The following CCSER2 variants were observed in gnomAD, a reference collection of about 807,000 sequenced individuals.
CCSER2 encodes coiled-coil serine rich protein 2, also known as serine-rich coiled-coil domain-containing protein 2.
In CCSER2, 46 loss-of-function variants were observed where a neutral mutation model predicts 92.3. That is an observed-to-expected ratio of 0.50 (90% CI 0.39 to 0.64). CCSER2 has a LOEUF of 0.64. Ranked by LOEUF, CCSER2 falls within the 30% of genes least tolerant of loss-of-function variation. The pLI, the probability that CCSER2 is intolerant of heterozygous loss-of-function variation, is 0.00. For synonymous variants in CCSER2, 433 were observed against 431.4 expected, an observed-to-expected ratio of 1.00 and a Z score of -0.04; for missense variants, 1,244 against 1,238.9, an observed-to-expected ratio of 1.00 and a Z score of -0.06.
At chr10:84,397,097 A>T (rs1841884669) in intron 3 of CCSER2, among the ~76,000 whole-genome samples, 1 of 152,222 alleles carries the variant, frequency 6.6e-6, no homozygotes, top group African/African-American at 2.4e-5. Context: ...AGTGCTAGTC[A>T]GTATTACTAT....
chr10:84,486,569 T>C (rs1466950658), intron 9 of CCSER2, among the ~76,000 whole-genome samples: 1 of 152,334 alleles, frequency 6.6e-6, no homozygotes, highest in East Asian at 1.9e-4. Flanking sequence ...TCATATCCTT[T>C]GCCCACTTGT....
At chr10:84,443,144 A>G (rs1844679031) in intron 6 of CCSER2, among the ~76,000 whole-genome samples, 1 of 152,238 alleles carries the variant, frequency 6.6e-6, no homozygotes, top group Non-Finnish European at 1.5e-5. Flanking sequence ...AAAATTGACA[A>G]ATGGGATCTA....
chr10:84,380,979 C>T (rs12779207), intron 3 of CCSER2, among the ~76,000 whole-genome samples: 31,898 of 151,934 alleles, frequency 0.21, 3,606 homozygotes, highest in Admixed American at 0.34. Context: ...AATCCCAGGG[C>T]GTGAGCCACC....
chr10:84,424,608 C>T (rs7099875), intron 4 of CCSER2, among the ~76,000 whole-genome samples: 5,165 of 151,142 alleles, frequency 0.034, 113 homozygotes, highest in South Asian at 0.07. Flanking sequence ...ATGAAACACT[C>T]GTCATGTTTC....
At position 84,463,979 on chromosome 10, in the gene CCSER2, C is replaced by G. The variant is rs1320175924; in HGVS notation, c.2111C>G (p.Ser704Cys). Residue 704 changes from serine to cysteine, a missense_variant, in exon 7 of 10, where the codon TCC becomes TGC. Transcript: ENST00000372088. Reference protein sequence around the residue: ...SLHDIQLSLPSSPEPEDGDKV... With the variant: ...SLHDIQLSLPCSPEPEDGDKV... ...CATGATATTCAACTGTCATTGCCAT[C>G]CAGTCCAGAACCAGAAGATGGTGAT... 11 of 1,611,176 alleles carry G rather than the reference C, an allele frequency of 6.8e-6. No homozygotes were observed. In the African/African-American group the frequency reaches 8.0e-5, roughly 12 times the overall value.
rs1198177296 is a variant in CCSER2 at position 84,479,969 on chromosome 10, G to C, written c.2325+2305G>C. Among the ~76,000 whole-genome samples the C allele has an allele frequency of 3.9e-5, 6 of 152,122 alleles. No homozygotes were observed. The East Asian group carries it at 1.2e-3, about 29-fold the overall frequency. On this transcript the variant is annotated intron_variant, in intron 9 of 9. Transcript: ENST00000372088. ...TTCCCTGAGAGGAAAAAAAACAGGT[G>C]CCCAGGTTTGCACTGCATGGTAGAA... is the stretch of plus-strand genomic sequence containing the variant.
Position 84,483,951 on chromosome 10 carries a change from A to ATT in CCSER2, c.2325+6289_2325+6290dup, listed in dbSNP as rs1242824205. On this transcript the variant is annotated intron_variant, in intron 9 of 9. Coordinates refer to ENST00000372088, the MANE Select transcript of CCSER2 (RefSeq NM_001284240.2). ...AGGTGCATCCCACCACACCCGGCTAATTTATATATATATATATATATATAT... is the reference window on the plus strand; with the variant it reads ...AGGTGCATCCCACCACACCCGGCTAATTTTTATATATATATATATATATATAT... Among the ~76,000 whole-genome samples the ATT allele has an allele frequency of 8.4e-3, 121 of 14,352 alleles. 6 individuals are homozygous for ATT. Among genetic ancestry groups the ATT allele is most frequent in the South Asian group, 0.046 (12 of 262 alleles). The allele number at this position is 14,352 out of a possible 152,430, so 9.4% of individuals were successfully genotyped here. A position where few individuals can be genotyped will look rare whatever the true frequency, so the allele number is the denominator to read the frequency against.
At chr10:84,360,869 A>G (rs893812616) in intron 1 of CCSER2, among the ~76,000 whole-genome samples, 1 of 152,202 alleles carries the variant, frequency 6.6e-6, no homozygotes. Context: ...ATTCTAACAC[A>G]TATTATCATA....
intron 9 of CCSER2, among the ~76,000 whole-genome samples, chr10:84,511,402 G>C (rs1033530284): frequency 6.6e-6 from 1 of 151,986 alleles, no homozygotes; most frequent in Non-Finnish European, 1.5e-5. Flanking sequence ...CTGGAGGTAG[G>C]TTGTCTTAAT....
chr10:84,334,853 A>G (rs1843744857), intron 1 of CCSER2, among the ~76,000 whole-genome samples: 1 of 151,918 alleles, frequency 6.6e-6, no homozygotes, highest in East Asian at 1.9e-4. Flanking sequence ...GGCCATCCTT[A>G]CCCTCTGTTC....
intron 8 of CCSER2, among the ~76,000 whole-genome samples, chr10:84,477,252 A>T (rs1428562523): frequency 6.6e-6 from 1 of 152,154 alleles, no homozygotes; most frequent in Admixed American, 6.5e-5. Flanking sequence ...TCAAAATTCT[A>T]ACCTTACAGG....
intron 7 of CCSER2, among the ~76,000 whole-genome samples, chr10:84,470,013 ATTTTTTT>A (rs67106487): frequency 3.1e-5 from 3 of 96,522 alleles, no homozygotes; most frequent in Admixed American, 1.0e-4. Flanking sequence ...TTTGTATGTG[ATTTTTTT>A]TTTTTTTTTT....
chr10:84,415,838 C>T (rs1478081568), intron 3 of CCSER2, among the ~76,000 whole-genome samples: 1 of 152,210 alleles, frequency 6.6e-6, no homozygotes, highest in Non-Finnish European at 1.5e-5. Flanking sequence ...CTCCTTGTTA[C>T]TGCTGGCTGG....
chr10:84,389,108 T>C (rs934799326), intron 3 of CCSER2: 2 of 220,858 alleles, frequency 9.1e-6, no homozygotes, highest in East Asian at 3.0e-4. Context: ...TAATAACTTT[T>C]TTTTTTTTTT....
intron 3 of CCSER2, among the ~76,000 whole-genome samples, chr10:84,385,145 GGAT>G (rs1161282548): frequency 6.6e-6 from 1 of 151,866 alleles, no homozygotes; most frequent in East Asian, 1.9e-4. Context: ...TCATTCTTAT[GGAT>G]TAGAAGAATA....
At chr10:84,480,701 T>C (rs1325934439) in intron 9 of CCSER2, among the ~76,000 whole-genome samples, 1 of 152,170 alleles carries the variant, frequency 6.6e-6, no homozygotes, top group Non-Finnish European at 1.5e-5. Context: ...TAAGAAAAAT[T>C]TAAAGTACTT....
chr10:84,423,479 GCAC>G lies in CCSER2; in HGVS notation c.1706-2248_1706-2246del, dbSNP rs1464289273. ...CCCATAACTTTTAGCAAATACAAAA[GCAC>G]CACATCAGTTTCTACATTGTAATTG... is the stretch of plus-strand genomic sequence containing the variant. On this transcript the variant is annotated intron_variant, in intron 4 of 9. Coordinates refer to ENST00000372088, the MANE Select transcript of CCSER2 (RefSeq NM_001284240.2). Among the ~76,000 whole-genome samples the G allele has an allele frequency of 2.0e-5, 3 of 152,182 alleles. No individual in the cohort carries two copies. The South Asian group carries it at 6.2e-4, about 32-fold the overall frequency.
rs114282473 is a variant in CCSER2 at position 84,384,611 on chromosome 10, G to A, written c.1614+10796G>A. Among the ~76,000 whole-genome samples the A allele has an allele frequency of 4.0e-3, 614 of 152,168 alleles. 4 individuals carry two copies. Among genetic ancestry groups the A allele is most frequent in the African/African-American group, 0.014 (600 of 41,516 alleles). On this transcript the variant is annotated intron_variant, in intron 3 of 9. Transcript: ENST00000372088. ...AACCCTCAGCAAACTAGGCATCAAA[G>A]GAACATACCTGAAAATAATAAGAAC...
chr10:84,440,003 C>T (rs1844426855), intron 6 of CCSER2, among the ~76,000 whole-genome samples: 2 of 152,132 alleles, frequency 1.3e-5, no homozygotes, highest in South Asian at 4.2e-4. Flanking sequence ...ACTAGCTGTA[C>T]CACGTACCAT....
Sources: gnomAD v4.1 joint callset for allele counts (sites outside exome capture counted in the v4.1 genomes callset) on GRCh38, gnomAD v4.1.1 for gene constraint, MANE v1.5 for transcripts, NCBI Gene and HGNC (gene_info 2026-07-23, HGNC 2026-07-21) for gene names.